Variants in NLRP14 observed in about 807,000 individuals in gnomAD.
The protein encoded by NLRP14 is NACHT, LRR and PYD domains-containing protein 14.
NLRP14 carries 105 observed loss-of-function variants against 94.7 expected under a neutral mutation model. That is an observed-to-expected ratio of 1.11 (90% confidence interval 0.95 to 1.30). NLRP14 has a LOEUF of 1.30. Among genes scored for constraint, NLRP14 ranks in the 50% most tolerant of loss-of-function variants. The pLI, the probability that NLRP14 is intolerant of heterozygous loss-of-function variation, is 0.00. For synonymous variants in NLRP14, 508 were observed against 459.9 expected (o/e 1.10, Z -1.34); for missense variants, 1,362 against 1,254.1 (o/e 1.09, Z -1.30).
chr11:7,073,240 T>A (rs1208042776), downstream of NLRP14, among the ~76,000 whole-genome samples: 7 of 152,214 alleles, frequency 4.6e-5, no homozygotes, highest in Admixed American at 4.6e-4. Context: ...GGAGAATCAA[T>A]TGTTGATGGG....
Position 7,058,452 on chromosome 11 carries a change from T to A in NLRP14, c.2633+2T>A, listed in dbSNP as rs1852555857. 1.2e-6 allele frequency: 2 copies of A among 1,604,284 alleles called. No homozygotes were observed. The highest frequency in any genetic ancestry group is 2.2e-5 in the South Asian group (2 of 90,928). ...ACAATGTACTCTGAAGAGCCTTGTG[T>A]AAGTGTCTTCAAGTTTTTATCCTTA... On this transcript the variant is annotated splice_donor_variant, in intron 8 of 11. Transcript: ENST00000299481. LOFTEE classifies it high-confidence loss of function.
intron 6 of NLRP14, among the ~76,000 whole-genome samples, chr11:7,050,642 T>C (rs1852428225): frequency 6.6e-6 from 1 of 152,230 alleles, no homozygotes; most frequent in Admixed American, 6.5e-5. Context: ...AAGCAAATTA[T>C]AATCCAGGTG....
At chr11:7,048,658 A>T (rs1852396114) in intron 5 of NLRP14, among the ~76,000 whole-genome samples, 4 of 152,104 alleles carry the variant, frequency 2.6e-5, no homozygotes, top group Admixed American at 2.0e-4. Flanking sequence ...GTATGTTATG[A>T]TTACGGGGTT....
intron 9 of NLRP14, among the ~76,000 whole-genome samples, chr11:7,062,085 T>C (rs1447612490): frequency 6.6e-6 from 1 of 152,056 alleles, no homozygotes; most frequent in Non-Finnish European, 1.5e-5. Context: ...TAAATGTTTA[T>C]ACCCTTGATT....
At chr11:7,026,136 A>G (rs1852011271) in intron 1 of NLRP14, among the ~76,000 whole-genome samples, 1 of 152,234 alleles carries the variant, frequency 6.6e-6, no homozygotes, top group Non-Finnish European at 1.5e-5. Context: ...AATGGCAACA[A>G]AAGCCAAAAT....
At chr11:7,060,147 G>GCATCTAT (rs1461258089) in intron 9 of NLRP14, 83 bp downstream of exon 9, 2 of 1,205,348 alleles carry the variant, frequency 1.7e-6, no homozygotes, top group Non-Finnish European at 2.5e-6. Flanking sequence ...TGAGAACCGA[G>GCATCTAT]CATCTATCAG....
At chr11:7,086,454 A>T in the NLRP14 span, among the ~76,000 whole-genome samples, 1 of 152,218 alleles carries the variant, frequency 6.6e-6, no homozygotes, top group African/African-American at 2.4e-5. Context: ...CTAGCACTTC[A>T]GGTTTTATTC....
At chr11:7,066,479 A>G (rs891521424) in intron 10 of NLRP14, among the ~76,000 whole-genome samples, 3 of 152,012 alleles carry the variant, frequency 2.0e-5, no homozygotes, top group Non-Finnish European at 2.9e-5. Flanking sequence ...GCTTTTTTTC[A>G]TATGTTTGTT....
At chr11:7,086,745 T>C in the NLRP14 span, among the ~76,000 whole-genome samples, 1 of 151,956 alleles carries the variant, frequency 6.6e-6, no homozygotes, top group Non-Finnish European at 1.5e-5. Flanking sequence ...CTGCAACCCC[T>C]CTCCCACAAA....
At chr11:7,060,845 G>T (rs1313876213) in intron 9 of NLRP14, among the ~76,000 whole-genome samples, 2 of 151,934 alleles carry the variant, frequency 1.3e-5, no homozygotes, top group Admixed American at 6.6e-5. Context: ...ATTTATCGAG[G>T]TGTGCATGCT....
At chr11:7,045,634 A>T (rs1425622836) in intron 4 of NLRP14, among the ~76,000 whole-genome samples, 2 of 152,150 alleles carry the variant, frequency 1.3e-5, no homozygotes, top group Non-Finnish European at 2.9e-5. Context: ...GATATAGACC[A>T]TCACTATGAA....
rs1355457818 is a variant in NLRP14, at chr11:7,068,633, C to A, written c.2976-1653C>A. ...ATGACTTTTTAAACATACTTAAGAACACAAAAAATTGTTATTTCTAATTTA... is the reference window on the plus strand; with the variant it reads ...ATGACTTTTTAAACATACTTAAGAAAACAAAAAATTGTTATTTCTAATTTA... On this transcript the variant is annotated intron_variant, in intron 10 of 11. Coordinates refer to ENST00000299481, the MANE Select transcript of NLRP14 (RefSeq NM_176822.4). Among the ~76,000 whole-genome samples the A allele has an allele frequency of 2.0e-5, 3 of 152,048 alleles. No homozygotes were observed. In the East Asian group the frequency reaches 5.8e-4, roughly 29 times the overall value.
chr11:7,077,704 G>C, the NLRP14 span, among the ~76,000 whole-genome samples: 1 of 152,204 alleles, frequency 6.6e-6, no homozygotes, highest in African/African-American at 2.4e-5. Flanking sequence ...AAAGAAAAGA[G>C]AGTTTGTGCA....
chr11:7,078,644 C>T, the NLRP14 span, among the ~76,000 whole-genome samples: 17 of 151,364 alleles, frequency 1.1e-4, no homozygotes, highest in South Asian at 2.1e-4. Flanking sequence ...ACAAAAGAGC[C>T]GGGCATGGTG....
chr11:7,041,658 G>A (rs566863906), intron 3 of NLRP14, among the ~76,000 whole-genome samples: 1 of 152,232 alleles, frequency 6.6e-6, no homozygotes, highest in East Asian at 1.9e-4. Flanking sequence ...CTAGCCAAGT[G>A]CATCATTTAT....
At chr11:7,057,202 T>C (rs564861120) in intron 6 of NLRP14, among the ~76,000 whole-genome samples, 1 of 152,120 alleles carries the variant, frequency 6.6e-6, no homozygotes, top group African/African-American at 2.4e-5. Context: ...ATGATTTACT[T>C]ATTGTTTTTC....
At chr11:7,058,185 TG>T in intron 7 of NLRP14, 94 bp from the exon 8 acceptor site, 2 of 978,794 alleles carry the variant, frequency 2.0e-6, no homozygotes, top group Non-Finnish European at 3.3e-6. Flanking sequence ...AGTTGAGGTA[TG>T]GGGGTTATAA....
At chr11:7,025,633 A>G (rs1021221919) in intron 1 of NLRP14, among the ~76,000 whole-genome samples, 1 of 152,170 alleles carries the variant, frequency 6.6e-6, no homozygotes, top group African/African-American at 2.4e-5. Context: ...ATCCAACCCT[A>G]TGCTGTTTTC....
the NLRP14 span, among the ~76,000 whole-genome samples, chr11:7,083,476 T>A: frequency 6.6e-6 from 1 of 152,186 alleles, no homozygotes; most frequent in Non-Finnish European, 1.5e-5. Flanking sequence ...ATCTATCACA[T>A]GGTAAGGAAA....
Sources: allele counts gnomAD v4.1 joint callset (sites outside exome capture counted in the v4.1 genomes callset), GRCh38; gene constraint gnomAD v4.1.1; transcripts MANE v1.5; gene names NCBI Gene and HGNC (gene_info 2026-07-23, HGNC 2026-07-21).